The following NAT1 variants were observed in gnomAD, a reference collection of about 807,000 sequenced individuals.
The protein encoded by NAT1 is N-acetyltransferase 1.
For synonymous variants in NAT1, 144 were observed against 122.6 expected, an observed-to-expected ratio of 1.17 and a Z score of -1.16; for missense variants, 400 against 339.2, an observed-to-expected ratio of 1.18 and a Z score of -1.41.
intron 2 of NAT1, among the ~76,000 whole-genome samples, chr8:18,184,389 C>A (rs768597638): frequency 9.2e-5 from 14 of 152,104 alleles, no homozygotes; most frequent in Non-Finnish European, 1.3e-4. Flanking sequence ...CCCTTCTGCC[C>A]ACAAAGCCCT....
intron 2 of NAT1, among the ~76,000 whole-genome samples, chr8:18,173,146 G>GCACGCACACACACA (rs112149943): frequency 4.1e-5 from 6 of 146,634 alleles, no homozygotes; most frequent in African/African-American, 1.2e-4. Context: ...ACACAGAGAT[G>GCACGCACACACACA]CACACACACA....
At chr8:18,214,178 C>A (rs1241498355) in intron 1 of NAT1, among the ~76,000 whole-genome samples, 6 of 152,126 alleles carry the variant, frequency 3.9e-5, no homozygotes, top group Non-Finnish European at 8.8e-5. Context: ...ACTCTCATAA[C>A]TTTTCTACTC....
chr8:18,221,570 A>G (rs1167936441), intron 2 of NAT1, among the ~76,000 whole-genome samples: 3 of 152,200 alleles, frequency 2.0e-5, no homozygotes, highest in African/African-American at 2.4e-5. Flanking sequence ...TAATCAATCA[A>G]TGGATGAGTG....
intron 1 of NAT1, among the ~76,000 whole-genome samples, chr8:18,217,182 G>T (rs946408643): frequency 2.0e-5 from 3 of 152,188 alleles, no homozygotes; most frequent in African/African-American, 7.2e-5. Flanking sequence ...TATGGAGGGT[G>T]AGCCACAAAG....
intron 2 of NAT1, among the ~76,000 whole-genome samples, chr8:18,178,457 C>A (rs1802377569): frequency 6.6e-6 from 1 of 152,098 alleles, no homozygotes; most frequent in African/African-American, 2.4e-5. Context: ...AAACAGACAT[C>A]TCTTCACTCA....
chr8:18,214,888 T>C (rs570727051), intron 1 of NAT1, among the ~76,000 whole-genome samples: 35 of 152,338 alleles, frequency 2.3e-4, no homozygotes, highest in African/African-American at 7.9e-4. Context: ...CTTCTTTGTA[T>C]TAATTAATTC....
In NAT1 at chr8:18,196,736, A is replaced by G. The variant is rs1292777267; in HGVS notation, n.93-13045A>G. Among the ~76,000 whole-genome samples the G allele has an allele frequency of 3.9e-5, 6 of 152,360 alleles. No individual in the cohort carries two copies. The East Asian group carries it at 7.7e-4, about 20-fold the overall frequency. On this transcript the variant is annotated intron_variant and non_coding_transcript_variant, in intron 2 of 4. Coordinates refer to the NAT1 transcript ENST00000517441. Reference sequence around the variant, plus strand: ...GCAGGGAGGGAAGGTGCATCATTACATTTAGAAACACCTGACTGTCCTAGC... The same window carrying G: ...GCAGGGAGGGAAGGTGCATCATTACGTTTAGAAACACCTGACTGTCCTAGC...
chr8:18,197,848 G>T (rs549834008), intron 2 of NAT1, among the ~76,000 whole-genome samples: 1 of 152,002 alleles, frequency 6.6e-6, no homozygotes, highest in African/African-American at 2.4e-5. Context: ...GACACGAAGG[G>T]GGATCTGCTA....
chr8:18,205,435 G>T (rs904688666), upstream of NAT1, among the ~76,000 whole-genome samples: 1 of 152,144 alleles, frequency 6.6e-6, no homozygotes, highest in Non-Finnish European at 1.5e-5. Context: ...GGCAGGTGAG[G>T]ATCCACTGTT....
chr8:18,187,542 T>C (rs1802789935), intron 2 of NAT1, among the ~76,000 whole-genome samples: 1 of 152,156 alleles, frequency 6.6e-6, no homozygotes, highest in Non-Finnish European at 1.5e-5. Flanking sequence ...AATAAGATCA[T>C]GTCCTCTGCA....
intron 2 of NAT1, among the ~76,000 whole-genome samples, chr8:18,176,281 C>A (rs1349999872): frequency 2.0e-5 from 3 of 152,022 alleles, no homozygotes; most frequent in African/African-American, 4.8e-5. Flanking sequence ...GAAATCTTGC[C>A]CACACCAATG....
At chr8:18,216,142 G>A (rs1319028623) in intron 1 of NAT1, among the ~76,000 whole-genome samples, 1 of 152,154 alleles carries the variant, frequency 6.6e-6, no homozygotes, top group Admixed American at 6.5e-5. Flanking sequence ...CATACCTGGT[G>A]GCTCAGATGC....
intron 2 of NAT1, among the ~76,000 whole-genome samples, chr8:18,184,749 G>A (rs765701031): frequency 1.3e-5 from 2 of 152,170 alleles, no homozygotes; most frequent in Admixed American, 6.5e-5. Flanking sequence ...GATTAATGCT[G>A]TTGCAAACAG....
At position 18,197,711 on chromosome 8, in the gene NAT1, C is replaced by A. The variant is rs78928671; in HGVS notation, n.93-12070C>A. Among the ~76,000 whole-genome samples, 84 of 152,196 alleles carry A rather than the reference C, an allele frequency of 5.5e-4. 1 individual carries two copies. In the East Asian group the frequency reaches 0.014, roughly 26 times the overall value. On this transcript the variant is annotated intron_variant and non_coding_transcript_variant, in intron 2 of 4. Transcript: ENST00000517441. ...CTTGCTGTCAGAACCTCATTTTATT[C>A]AGGGAAGGGCACCCTAATCTCAGTT...
At chr8:18,217,723 G>T (rs1017260976) in intron 1 of NAT1, among the ~76,000 whole-genome samples, 7 of 152,154 alleles carry the variant, frequency 4.6e-5, no homozygotes, top group Admixed American at 6.5e-5. Context: ...CGGCATGTGG[G>T]TTGGGGACTA....
chr8:18,181,790 C>T (rs181116117), intron 2 of NAT1, among the ~76,000 whole-genome samples: 28 of 152,188 alleles, frequency 1.8e-4, no homozygotes, highest in African/African-American at 6.0e-4. Context: ...CATGAAGGGA[C>T]GTTGTATTTT....
At chr8:18,177,066 A>G (rs1802322879) in intron 2 of NAT1, among the ~76,000 whole-genome samples, 1 of 152,074 alleles carries the variant, frequency 6.6e-6, no homozygotes. Flanking sequence ...TTGATTTTAT[A>G]ACTTGCATCT....
intron 1 of NAT1, chr8:18,216,983 C>G: frequency 6.5e-7 from 1 of 1,550,314 alleles, no homozygotes; most frequent in Non-Finnish European, 8.7e-7. Context: ...CTGATGATCA[C>G]CATGTTTCTG....
At chr8:18,216,897 C>T in intron 1 of NAT1, 1 of 1,550,146 alleles carries the variant, frequency 6.5e-7, no homozygotes, top group Non-Finnish European at 8.7e-7. Context: ...AAGGGCCATG[C>T]TGTTATTACT....
Sources: allele counts gnomAD v4.1 joint callset (sites outside exome capture counted in the v4.1 genomes callset), GRCh38; gene constraint gnomAD v4.1.1; transcripts MANE v1.5; gene names NCBI Gene and HGNC (gene_info 2026-07-23, HGNC 2026-07-21).